USP14: variants seen among roughly 807,000 people sequenced by gnomAD.
The protein encoded by USP14 is ubiquitin specific peptidase 14, also known as ubiquitin carboxyl-terminal hydrolase 14.
USP14 carries 38 observed loss-of-function variants against 76.5 expected under a neutral mutation model. The ratio of observed to expected loss-of-function variants is 0.50; its 90% CI spans 0.38 to 0.65. The LOEUF is 0.65. Among genes scored for constraint, USP14 ranks in the 30% least tolerant of loss-of-function variants. The pLI is 0.00. For synonymous variants in USP14, 192 were observed against 191.7 expected, an observed-to-expected ratio of 1.00 and a Z score of -0.01; for missense variants, 467 against 586.5, an observed-to-expected ratio of 0.80 and a Z score of 2.10.
rs1257527352 is a variant in USP14, at chr18:204,541, GTTT to G, written c.1036-19_1036-17del. 10 of 1,532,068 alleles carry G rather than the reference GTTT, an allele frequency of 6.5e-6. No individual in the cohort carries two copies. The highest frequency in any genetic ancestry group is 1.4e-5 in the African/African-American group (1 of 71,468). 94.9% of individuals were successfully genotyped at this position (1,532,068 alleles called of 1,614,324 possible). A position where few individuals can be genotyped will look rare whatever the true frequency, so the allele number is the denominator to read the frequency against. On this transcript the variant is annotated intron_variant, in intron 12 of 15. Coordinates refer to ENST00000261601, the MANE Select transcript of USP14 (RefSeq NM_005151.4). ...TATCTTTATAAATGTGTTTACACAT[GTTT>G]TTTGTTTGTTTGTATATAGGATGTT... is the stretch of plus-strand genomic sequence containing the variant.
intron 4 of USP14, among the ~76,000 whole-genome samples, chr18:179,392 A>G (rs1191435352): frequency 6.6e-6 from 1 of 152,118 alleles, no homozygotes; most frequent in East Asian, 1.9e-4. Flanking sequence ...ATTTTATGAG[A>G]AAACAGGGTC....
At position 207,370 on chromosome 18, in the gene USP14, A is replaced by G. The variant is rs9965109; in HGVS notation, c.1165-2601A>G. 6.2e-3 allele frequency among the ~76,000 whole-genome samples: 899 copies of G among 145,090 alleles called. 80 individuals are homozygous for G. Among genetic ancestry groups the G allele is most frequent in the African/African-American group, 0.021 (841 of 40,492 alleles). ...TTCAAAAAAGATTGACGGGGATTACACGGAATCTGTGGATCAATTAAAAAG... is the reference window on the plus strand; with the variant it reads ...TTCAAAAAAGATTGACGGGGATTACGCGGAATCTGTGGATCAATTAAAAAG... On this transcript the variant is annotated intron_variant, in intron 13 of 15. Transcript: ENST00000261601.
intron 5 of USP14, among the ~76,000 whole-genome samples, chr18:185,754 G>C (rs1406098030): frequency 6.6e-6 from 1 of 151,770 alleles, no homozygotes; most frequent in Non-Finnish European, 1.5e-5. Flanking sequence ...CTCTGGAGTG[G>C]CACGATCACA....
At chr18:166,068 G>A (rs1360435865) in intron 2 of USP14, among the ~76,000 whole-genome samples, 1 of 152,054 alleles carries the variant, frequency 6.6e-6, no homozygotes, top group Non-Finnish European at 1.5e-5. Context: ...CTTTATAGAT[G>A]CGTTATAGAC....
At chr18:171,104 A>G (rs1349028265) in intron 3 of USP14, among the ~76,000 whole-genome samples, 1 of 148,442 alleles carries the variant, frequency 6.7e-6, no homozygotes, top group Non-Finnish European at 1.5e-5. Context: ...GAAAGAAGCA[A>G]TCTCTGTAAC....
Position 212,146 on chromosome 18 carries a change from C to CT in USP14, c.*863dup, listed in dbSNP as rs1910686416. Reference sequence around the variant, plus strand: ...TCTGAAGATGGTTATTAACACTGTGCTGTTAAGCATCCATTTAAAAATATT... The same window carrying CT: ...TCTGAAGATGGTTATTAACACTGTGCTTGTTAAGCATCCATTTAAAAATATT... On this transcript the variant is annotated 3_prime_UTR_variant, in exon 16 of 16. Transcript: ENST00000261601. The CT allele has an allele frequency of 6.6e-6, 1 of 151,558 alleles. No individual in the cohort carries two copies. Among genetic ancestry groups the CT allele is most frequent in the Admixed American group, 6.6e-5 (1 of 15,182 alleles). The allele number at this position is 151,558 out of a possible 1,614,324, so 9.4% of individuals were successfully genotyped here. A position where few individuals can be genotyped will look rare whatever the true frequency, so the allele number is the denominator to read the frequency against.
At chr18:207,044 G>GTTTTATAGT (rs1360808311) in intron 13 of USP14, among the ~76,000 whole-genome samples, 30 of 106,546 alleles carry the variant, frequency 2.8e-4, no homozygotes, top group Middle Eastern at 4.5e-3. Flanking sequence ...ATATCTGGTT[G>GTTTTATAGT]TCTCAGCACC....
At chr18:191,092 T>TA (rs1282127124) in intron 5 of USP14, among the ~76,000 whole-genome samples, 1 of 152,126 alleles carries the variant, frequency 6.6e-6, no homozygotes, top group African/African-American at 2.4e-5. Flanking sequence ...GCTAATTACA[T>TA]ACCCAAGTGA....
At chr18:174,567 AT>A (rs1909571574) in intron 3 of USP14, among the ~76,000 whole-genome samples, 1 of 140,332 alleles carries the variant, frequency 7.1e-6, no homozygotes, top group Non-Finnish European at 1.6e-5. Context: ...CACCCGGCTT[AT>A]TTCATGGTTT....
Position 179,004 on chromosome 18 carries a change from A to G in USP14, c.267A>G (p.Val89=). ...PEEPSAKTVF[V]EDMTEEQLAS... is the part of the protein sequence containing the mutation. ...AACCCTCAGCCAAAACTGTCTTCGT[A>G]GAAGACATGACAGAAGAACAGTTAG... Residue 89 remains valine (V), a synonymous_variant, in exon 4 of 16, where the codon GTA becomes GTG. Coordinates refer to ENST00000261601, the MANE Select transcript of USP14 (RefSeq NM_005151.4). 2 of 1,613,118 alleles carry G rather than the reference A, an allele frequency of 1.2e-6. No individual in the cohort carries two copies. Among genetic ancestry groups the G allele is most frequent in the African/African-American group, 1.3e-5 (1 of 75,010 alleles).
chr18:169,380 AAAG>A (rs1357999724), intron 3 of USP14, among the ~76,000 whole-genome samples: 1 of 151,292 alleles, frequency 6.6e-6, no homozygotes, highest in Non-Finnish European at 1.5e-5. Context: ...AAAAAAAAAA[AAAG>A]AGTGGACATC....
At chr18:181,469 ATCT>A (rs1458953276) in intron 5 of USP14, among the ~76,000 whole-genome samples, 2 of 152,024 alleles carry the variant, frequency 1.3e-5, no homozygotes, top group East Asian at 3.9e-4. Context: ...CCATTTGTAT[ATCT>A]TCTTTGGAGA....
chr18:194,863 A>G (rs1282442463), intron 6 of USP14, among the ~76,000 whole-genome samples: 31 of 152,098 alleles, frequency 2.0e-4, no homozygotes, highest in Non-Finnish European at 1.5e-5. Context: ...CCTGGGAGGC[A>G]GAGGTTACAG....
At chr18:188,243 T>TTTGTTTACTG in intron 5 of USP14, among the ~76,000 whole-genome samples, 1 of 152,150 alleles carries the variant, frequency 6.6e-6, no homozygotes, top group Non-Finnish European at 1.5e-5. Flanking sequence ...TATCCCTCCA[T>TTTGTTTACTG]TTGTTTACTG....
Position 209,853 on chromosome 18 carries a change from CTG to C in USP14, c.1165-116_1165-115del, listed in dbSNP as rs561517689. The C allele has an allele frequency of 3.9e-3, 2,618 of 671,630 alleles. 6 individuals are homozygous for C. The highest frequency in any genetic ancestry group is 6.0e-3 in the Admixed American group (174 of 29,040). The allele number at this position is 671,630 out of a possible 1,614,324, so 41.6% of individuals were successfully genotyped here. On this transcript the variant is annotated intron_variant, in intron 13 of 15. Coordinates refer to ENST00000261601, the MANE Select transcript of USP14 (RefSeq NM_005151.4). ...TCATTTTAGTAATTTGGAAGGTAGA[CTG>C]TATTTTGTCTCTGTGCACTGTAGAC... is the stretch of plus-strand genomic sequence containing the variant.
chr18:162,802 CTT>C (rs562971458), intron 1 of USP14, among the ~76,000 whole-genome samples: 4 of 144,890 alleles, frequency 2.8e-5, no homozygotes, highest in Non-Finnish European at 4.6e-5. Flanking sequence ...GTCTCAGTTT[CTT>C]TTTTTTTTTT....
intron 1 of USP14, 67 bp from the exon 2 acceptor site, chr18:163,241 T>C (rs1909173448): frequency 1.4e-6 from 2 of 1,432,574 alleles, no homozygotes; most frequent in Non-Finnish European, 1.9e-6. Flanking sequence ...TAATTGGTGA[T>C]CTTCTAAGGG....
intron 5 of USP14, among the ~76,000 whole-genome samples, chr18:184,274 CT>C (rs1392536830): frequency 1.1e-4 from 16 of 152,062 alleles, no homozygotes; most frequent in African/African-American, 3.9e-4. Context: ...AGAGAGTGCA[CT>C]TACTAACGTA....
intron 13 of USP14, among the ~76,000 whole-genome samples, chr18:207,175 A>G (rs1203653416): frequency 6.9e-6 from 1 of 144,770 alleles, no homozygotes; most frequent in East Asian, 1.9e-4. Flanking sequence ...ATTGGTCTAT[A>G]TGTCTGTCCT....
Sources: gnomAD v4.1 joint callset for allele counts (sites outside exome capture counted in the v4.1 genomes callset) on GRCh38, gnomAD v4.1.1 for gene constraint, MANE v1.5 for transcripts, NCBI Gene and HGNC (gene_info 2026-07-23, HGNC 2026-07-21) for gene names.